MAOB: variants seen among roughly 807,000 people sequenced by gnomAD.
The protein encoded by MAOB is monoamine oxidase B, also known as amine oxidase [flavin-containing] B.
In MAOB, 15 loss-of-function variants were observed where a neutral mutation model predicts 41.9. The observed-to-expected ratio is 0.36, with a 90% CI of 0.24 to 0.55. MAOB has a LOEUF of 0.55. Ranked by LOEUF, MAOB falls within the 20% of genes least tolerant of loss-of-function variation. MAOB has a pLI of 0.86. For synonymous variants in MAOB, 167 were observed against 144.2 expected, an observed-to-expected ratio of 1.16 and a Z score of -1.13; for missense variants, 345 against 398.7, an observed-to-expected ratio of 0.87 and a Z score of 1.15.
At chrX:43,807,759 TATTATA>T (rs1263312906) in intron 3 of MAOB, among the ~76,000 whole-genome samples, 1 of 112,401 alleles carries the variant, frequency 8.9e-6, no homozygotes, top group Non-Finnish European at 1.9e-5. Flanking sequence ...CAGCTGCTAC[TATTATA>T]ATTATAATCT....
intron 3 of MAOB, among the ~76,000 whole-genome samples, chrX:43,816,860 G>A (rs1333830791): frequency 9.0e-6 from 1 of 111,578 alleles, no homozygotes; most frequent in Non-Finnish European, 1.9e-5. Context: ...TGCTGTGCCA[G>A]GCTGGTGGTT....
chrX:43,806,002 T>C (rs2034657781), intron 3 of MAOB, among the ~76,000 whole-genome samples: 1 of 112,679 alleles, frequency 8.9e-6, no homozygotes, highest in Non-Finnish European at 1.9e-5. Context: ...TAATTTGTTT[T>C]ACAAATTTTT....
chrX:43,820,350 A>T lies in MAOB; in HGVS notation c.280-16946T>A, dbSNP rs769618233. On this transcript the variant is annotated intron_variant, in intron 3 of 14. Coordinates refer to ENST00000378069, the MANE Select transcript of MAOB (RefSeq NM_000898.5). ...TGGTTTTTCACAGACAAAAATATTT[A>T]AAAAAGTGCTTGTTTAAATAGCTGT... Among the ~76,000 whole-genome samples, 906 of 112,399 alleles carry T rather than the reference A, an allele frequency of 8.1e-3. 8 individuals carry two copies. The highest frequency in any genetic ancestry group is 0.025 in the African/African-American group (788 of 30,978).
chrX:43,829,591 T>C (rs1209556858), intron 3 of MAOB, among the ~76,000 whole-genome samples: 3 of 111,892 alleles, frequency 2.7e-5, no homozygotes, highest in African/African-American at 6.5e-5. Context: ...AGCATCTCCC[T>C]GTGTACCTAG....
At chrX:43,799,775 A>G (rs1029322288) in intron 5 of MAOB, among the ~76,000 whole-genome samples, 2 of 111,810 alleles carry the variant, frequency 1.8e-5, no homozygotes, top group Non-Finnish European at 3.8e-5. Flanking sequence ...AAAATTTGGA[A>G]AATTTATAAG....
In MAOB at chrX:43,769,328, G is replaced by A. The variant is rs752106679; in HGVS notation, c.1326C>T (p.Ala442=). 9.1e-6 allele frequency: 11 copies of A among 1,206,853 alleles called. No individual in the cohort carries two copies. The highest frequency in any genetic ancestry group is 6.0e-5 in the East Asian group (2 of 33,506). The part of the protein sequence containing the change: ...WSGYMEGAVE[A]GERAAREILH... Reference sequence around the variant, plus strand: ...CTACCTCTCGGGCTGCTCTCTCCCCGGCCTCTACAGCCCCCTCCATGTAGC... The same window carrying A: ...CTACCTCTCGGGCTGCTCTCTCCCCAGCCTCTACAGCCCCCTCCATGTAGC... Residue 442 remains alanine (A), a synonymous_variant, in exon 13 of 15, where the codon GCC becomes GCT. Transcript: ENST00000378069.
chrX:43,843,817 G>A (rs2035169535), intron 1 of MAOB, 53 bp from the exon 2 acceptor site: 2 of 1,184,794 alleles, frequency 1.7e-6, no homozygotes, highest in Admixed American at 2.3e-5. Flanking sequence ...TGCCAGACAA[G>A]CTCCTCATGC....
intron 3 of MAOB, among the ~76,000 whole-genome samples, chrX:43,836,400 T>C (rs1281956698): frequency 2.7e-5 from 3 of 112,652 alleles, no homozygotes; most frequent in African/African-American, 9.7e-5. Context: ...TGTATTATCA[T>C]GTAGCTCTTC....
intron 1 of MAOB, among the ~76,000 whole-genome samples, chrX:43,875,348 A>G (rs2035432998): frequency 8.9e-6 from 1 of 111,793 alleles, no homozygotes; most frequent in Non-Finnish European, 1.9e-5. Flanking sequence ...CTAGTAGGTA[A>G]AACTCTAAAG....
chrX:43,797,134 A>G lies in MAOB; in HGVS notation c.609T>C (p.Asn203=). The change falls in exon 6 of 15, where the codon AAT becomes AAC. Residue 203 remains asparagine, a synonymous_variant. Transcript: ENST00000378069. ...AAGAATGGATGGGTACCTGTCCTCC[A>G]TTTGTTGTCGAGATGATTCTTGTTG... The part of the protein sequence containing the change: ...GGTTRIISTT[N]GGQERKFVGG... The G allele has an allele frequency of 8.3e-7, 1 of 1,208,085 alleles. No individual in the cohort carries two copies. The highest frequency in any genetic ancestry group is 1.8e-5 in the South Asian group (1 of 55,940).
chrX:43,835,038 C>T (rs1170090311), intron 3 of MAOB, among the ~76,000 whole-genome samples: 1 of 112,116 alleles, frequency 8.9e-6, no homozygotes, highest in African/African-American at 3.2e-5. Flanking sequence ...ATGAAAGCTT[C>T]TGAAACAGAA....
chrX:43,772,327 G>C (rs1314232817), intron 12 of MAOB, among the ~76,000 whole-genome samples: 1 of 111,536 alleles, frequency 9.0e-6, no homozygotes, highest in African/African-American at 3.3e-5. Flanking sequence ...AGGCATTACT[G>C]TATCACCACC....
chrX:43,810,701 C>T (rs913681259), intron 3 of MAOB, among the ~76,000 whole-genome samples: 4 of 111,825 alleles, frequency 3.6e-5, no homozygotes, highest in African/African-American at 1.3e-4. Flanking sequence ...TGACTTGAAC[C>T]AGCTCTTCAA....
intron 3 of MAOB, among the ~76,000 whole-genome samples, chrX:43,805,018 G>A (rs964719862): frequency 2.7e-5 from 3 of 110,858 alleles, no homozygotes; most frequent in Non-Finnish European, 5.7e-5. Context: ...ATAGTTAGAA[G>A]TAATTTTAAA....
chrX:43,845,833 T>C (rs756794645), intron 1 of MAOB, among the ~76,000 whole-genome samples: 120 of 112,282 alleles, frequency 1.1e-3, no homozygotes, highest in Non-Finnish European at 1.9e-3. Context: ...CGTCTATCAG[T>C]GATCTTAAAG....
chrX:43,840,793 C>T (rs2035126351), intron 2 of MAOB, among the ~76,000 whole-genome samples: 1 of 111,065 alleles, frequency 9.0e-6, no homozygotes, highest in East Asian at 2.8e-4. Context: ...CTTCACAACC[C>T]GCAGACCAGG....
intron 1 of MAOB, among the ~76,000 whole-genome samples, chrX:43,857,108 TATATATATAGAGAGAGAG>T (rs1345537492): frequency 3.0e-3 from 71 of 24,057 alleles, no homozygotes; most frequent in Non-Finnish European, 4.0e-3. Context: ...TATATATATA[TATATATATAGAGAGAGAG>T]AGAGAGAGAG....
chrX:43,789,144 G>A (rs910251126), intron 8 of MAOB, among the ~76,000 whole-genome samples: 1 of 112,135 alleles, frequency 8.9e-6, no homozygotes, highest in East Asian at 2.8e-4. Flanking sequence ...AGTTTTGACT[G>A]TGACCCATCA....
chrX:43,775,318 T>A, intron 11 of MAOB, 46 bp from the exon 12 acceptor site: 1 of 1,178,682 alleles, frequency 8.5e-7, no homozygotes, highest in Non-Finnish European at 1.1e-6. Flanking sequence ...CAGAGAAAGC[T>A]ATTTAGCCTA....
Sources: allele counts gnomAD v4.1 joint callset (sites outside exome capture counted in the v4.1 genomes callset), GRCh38; gene constraint gnomAD v4.1.1; transcripts MANE v1.5; gene names NCBI Gene and HGNC (gene_info 2026-07-23, HGNC 2026-07-21).